The following CNTNAP2 variants were observed in gnomAD, a reference collection of about 807,000 sequenced individuals.
CNTNAP2 encodes contactin associated protein 2.
In CNTNAP2, 98 loss-of-function variants were observed where a neutral mutation model predicts 155.2. The observed-to-expected ratio is 0.63, with a 90% confidence interval of 0.54 to 0.75. The LOEUF is 0.75. Ranked by LOEUF, CNTNAP2 falls within the 30% of genes least tolerant of loss-of-function variation. CNTNAP2 has a pLI of 0.00. For missense variants in CNTNAP2, 1,727 were observed against 1,688.1 expected (o/e 1.02, Z -0.40); for synonymous variants, 651 against 631.2 (o/e 1.03, Z -0.47).
rs185308443 is a variant in CNTNAP2, at chr7:147,761,621, G to C, written c.2098+122315G>C. Among the ~76,000 whole-genome samples, 16 of 152,240 alleles carry C rather than the reference G, an allele frequency of 1.1e-4. No homozygotes were observed. The East Asian group carries it at 2.9e-3, about 28-fold the overall frequency. On this transcript the variant is annotated intron_variant, in intron 13 of 23. Transcript: ENST00000361727. ...TTGGGGGATTATTGTCACAGATGCT[G>C]TACTCGAGGAGGATATAACTTCATG...
At chr7:146,673,237 G>A (rs1032751631) in intron 1 of CNTNAP2, among the ~76,000 whole-genome samples, 3 of 151,982 alleles carry the variant, frequency 2.0e-5, no homozygotes, top group Non-Finnish European at 4.4e-5. Flanking sequence ...AACATTTCCT[G>A]TAATTTGTAA....
At chr7:146,826,863 G>T (rs1389631420) in intron 2 of CNTNAP2, among the ~76,000 whole-genome samples, 57 of 150,522 alleles carry the variant, frequency 3.8e-4, no homozygotes, top group Middle Eastern at 6.9e-3. Flanking sequence ...TATATAGAGA[G>T]AGAGAGAGAG....
chr7:146,628,450 T>A (rs144367456), intron 1 of CNTNAP2, among the ~76,000 whole-genome samples: 66 of 152,238 alleles, frequency 4.3e-4, no homozygotes, highest in African/African-American at 1.6e-3. Flanking sequence ...TGACTATAGT[T>A]AACAATACAT....
chr7:148,064,113 T>G (rs1003687070), intron 15 of CNTNAP2, among the ~76,000 whole-genome samples: 1 of 152,150 alleles, frequency 6.6e-6, no homozygotes, highest in African/African-American at 2.4e-5. Flanking sequence ...ACCAGTACCA[T>G]GCCATTTGGT....
At chr7:146,810,226 A>G (rs943997671) in intron 2 of CNTNAP2, among the ~76,000 whole-genome samples, 1 of 150,106 alleles carries the variant, frequency 6.7e-6, no homozygotes, top group Non-Finnish European at 1.5e-5. Context: ...ATTCTATGCC[A>G]GTACCATGCT....
At chr7:147,991,603 A>G (rs1801711986) in intron 15 of CNTNAP2, among the ~76,000 whole-genome samples, 1 of 152,180 alleles carries the variant, frequency 6.6e-6, no homozygotes, top group Non-Finnish European at 1.5e-5. Flanking sequence ...CTCTTTTGCT[A>G]AGTTTTTATA....
chr7:148,399,168 A>G (rs574190842), intron 22 of CNTNAP2, among the ~76,000 whole-genome samples: 2 of 152,298 alleles, frequency 1.3e-5, no homozygotes, highest in South Asian at 4.1e-4. Flanking sequence ...CTGACATACC[A>G]TAATATGCCC....
At chr7:146,904,352 C>G (rs1796071941) in intron 3 of CNTNAP2, among the ~76,000 whole-genome samples, 1 of 152,182 alleles carries the variant, frequency 6.6e-6, no homozygotes, top group Non-Finnish European at 1.5e-5. Flanking sequence ...TGTACTCGGT[C>G]CCTGTAATCT....
chr7:147,361,870 G>C (rs1211521246), intron 9 of CNTNAP2, among the ~76,000 whole-genome samples: 1 of 152,074 alleles, frequency 6.6e-6, no homozygotes, highest in Non-Finnish European at 1.5e-5. Flanking sequence ...AGAATATTGA[G>C]GATGGCTCTT....
At chr7:146,565,472 A>T (rs1387570490) in intron 1 of CNTNAP2, among the ~76,000 whole-genome samples, 27 of 152,138 alleles carry the variant, frequency 1.8e-4, no homozygotes, top group Admixed American at 1.8e-3. Flanking sequence ...GTTAGAGTTA[A>T]TGAAATAGTA....
chr7:147,083,240 C>A (rs1028869506), intron 4 of CNTNAP2: 1 of 151,996 alleles, frequency 6.6e-6, no homozygotes, highest in Non-Finnish European at 1.5e-5. Context: ...AACAGTAACA[C>A]CACCAAAAGC....
intron 21 of CNTNAP2, among the ~76,000 whole-genome samples, chr7:148,272,206 A>G (rs578165081): frequency 1.2e-4 from 18 of 152,320 alleles, no homozygotes; most frequent in South Asian, 4.1e-4. Context: ...ATAATTCTGA[A>G]TGCTTCTAGA....
chr7:146,218,964 G>C (rs1374078659), intron 1 of CNTNAP2, among the ~76,000 whole-genome samples: 1 of 152,158 alleles, frequency 6.6e-6, no homozygotes, highest in African/African-American at 2.4e-5. Flanking sequence ...GACACTATCT[G>C]AGACTATATA....
chr7:146,855,262 AGG>A (rs1163236481), intron 3 of CNTNAP2, among the ~76,000 whole-genome samples: 3 of 152,166 alleles, frequency 2.0e-5, no homozygotes, highest in Non-Finnish European at 4.4e-5. Flanking sequence ...ATAGCTATAG[AGG>A]GGGATTGGCA....
At chr7:146,643,232 C>A (rs1215753610) in intron 1 of CNTNAP2, among the ~76,000 whole-genome samples, 4 of 149,298 alleles carry the variant, frequency 2.7e-5, no homozygotes, top group Non-Finnish European at 6.0e-5. Context: ...GAAGTCCTTG[C>A]CCATGCCTAT....
chr7:147,014,294 T>C (rs1798680657), intron 3 of CNTNAP2, among the ~76,000 whole-genome samples: 1 of 152,166 alleles, frequency 6.6e-6, no homozygotes, highest in South Asian at 2.1e-4. Flanking sequence ...AATTAAAACA[T>C]ATATTGTTAA....
At chr7:146,963,724 A>T (rs2129231104) in intron 3 of CNTNAP2, among the ~76,000 whole-genome samples, 1 of 152,316 alleles carries the variant, frequency 6.6e-6, no homozygotes, top group African/African-American at 2.4e-5. Context: ...GGTGTTTAAT[A>T]TTTATTTAGA....
chr7:146,414,536 C>T (rs1795909989), intron 1 of CNTNAP2, among the ~76,000 whole-genome samples: 1 of 152,134 alleles, frequency 6.6e-6, no homozygotes, highest in African/African-American at 2.4e-5. Context: ...TCTCCATAGT[C>T]CTGGCAGCTG....
At chr7:147,783,637 G>A (rs145009855) in intron 13 of CNTNAP2, among the ~76,000 whole-genome samples, 3 of 152,154 alleles carry the variant, frequency 2.0e-5, no homozygotes, top group African/African-American at 7.2e-5. Flanking sequence ...CCCAAAATTT[G>A]CATGTTAAAA....
Sources: gnomAD v4.1 joint callset for allele counts (sites outside exome capture counted in the v4.1 genomes callset) on GRCh38, gnomAD v4.1.1 for gene constraint, MANE v1.5 for transcripts, NCBI Gene and HGNC (gene_info 2026-07-23, HGNC 2026-07-21) for gene names.